ZFC3H1: variants seen among roughly 807,000 people sequenced by gnomAD.
ZFC3H1 encodes zinc finger C3H1 domain-containing protein.
ZFC3H1 carries 71 observed loss-of-function variants against 243.7 expected under a neutral mutation model. That is an observed-to-expected ratio of 0.29 (90% CI 0.24 to 0.36). The LOEUF (loss-of-function observed/expected upper bound fraction) is 0.36, where lower values mean the gene tolerates loss of function less well. ZFC3H1 is among the 10% of genes least tolerant of loss of function. ZFC3H1 has a pLI of 1.00. For missense variants in ZFC3H1, 1,966 were observed against 2,317.1 expected (o/e 0.85, Z 3.11); for synonymous variants, 838 against 813.0 (o/e 1.03, Z -0.52).
At chr12:71,644,057 AGAGTAACGTTTT>A in intron 5 of ZFC3H1, 26 bp downstream of exon 5, 1 of 1,537,260 alleles carries the variant, frequency 6.5e-7, no homozygotes, top group Non-Finnish European at 8.9e-7. Context: ...AAGGAAACTT[AGAGTAACGTTTT>A]GATTTTATAT....
Position 71,619,977 on chromosome 12 carries a change from A to AT in ZFC3H1, c.4997dup (p.Asn1666LysfsTer23). On this transcript the variant is annotated frameshift_variant, in exon 26 of 35. Transcript: ENST00000378743. LOFTEE classifies it high-confidence loss of function. ...GATAAAAAACCTCTGCATTCTGAGG[A>AT]TTTTTTTCAAATGCAGTAAGCCACA... is the stretch of plus-strand genomic sequence containing the variant. 2 of 1,604,212 alleles carry AT rather than the reference A, an allele frequency of 1.2e-6. No individual in the cohort carries two copies. The highest frequency in any genetic ancestry group is 1.7e-6 in the Non-Finnish European group (2 of 1,173,622).
intron 2 of ZFC3H1, among the ~76,000 whole-genome samples, chr12:71,655,502 C>A (rs1238920524): frequency 6.6e-6 from 1 of 151,950 alleles, no homozygotes; most frequent in Non-Finnish European, 1.5e-5. Context: ...AAAAAAGGTA[C>A]AACTTATAAA....
chr12:71,656,904 G>C lies in ZFC3H1; in HGVS notation c.996C>G (p.Asp332Glu). Residue 332 changes from aspartate to glutamate, a missense_variant, in exon 2 of 35, where the codon GAC becomes GAG. Coordinates refer to ENST00000378743, the MANE Select transcript of ZFC3H1 (RefSeq NM_144982.5). ...CATTACCTTGACTAGAATCAGTAGT[G>C]TCGGATTTCAGGGAAAGTGGTTTTG... The part of the protein sequence containing the change: ...DGAKPLSLKS[D>E]TTDSSQGLQD... 1.2e-6 allele frequency: 2 copies of C among 1,612,464 alleles called. No individual in the cohort carries two copies. The highest frequency in any genetic ancestry group is 1.7e-6 in the Non-Finnish European group (2 of 1,179,374).
At chr12:71,639,482 C>T (rs1019720378) in intron 6 of ZFC3H1, 4 of 203,198 alleles carry the variant, frequency 2.0e-5, no homozygotes, top group Non-Finnish European at 4.0e-5. Flanking sequence ...TAGTCAGACA[C>T]TTGATGGTGC....
chr12:71,621,201 A>G (rs1380357550), intron 24 of ZFC3H1, among the ~76,000 whole-genome samples: 1 of 151,932 alleles, frequency 6.6e-6, no homozygotes, highest in Non-Finnish European at 1.5e-5. Context: ...CTTCAAAAGC[A>G]CATTATAAAA....
chr12:71,633,941 A>G (rs906605765), intron 12 of ZFC3H1, among the ~76,000 whole-genome samples: 1 of 152,234 alleles, frequency 6.6e-6, no homozygotes, highest in Non-Finnish European at 1.5e-5. Flanking sequence ...TATAGGCGTG[A>G]GCCACCGCGC....
At chr12:71,627,041 T>C (rs1314046410) in intron 21 of ZFC3H1, among the ~76,000 whole-genome samples, 2 of 151,954 alleles carry the variant, frequency 1.3e-5, no homozygotes, top group Non-Finnish European at 1.5e-5. Flanking sequence ...AAGCAACACA[T>C]CCAGGCATGT....
At position 71,642,422 on chromosome 12, in the gene ZFC3H1, G is replaced by C. The variant is rs185963164; in HGVS notation, c.1627+14C>G. 4.4e-3 allele frequency: 7,035 copies of C among 1,607,690 alleles called. 23 individuals are homozygous for C. The highest frequency in any genetic ancestry group is 5.3e-3 in the Non-Finnish European group (6,209 of 1,177,054). ...ACATGTAAATACACAAAGGTTTCAA[G>C]TTTTGGCTCATACCTGGAGAACTGG... is the stretch of plus-strand genomic sequence containing the variant. On this transcript the variant is annotated intron_variant, in intron 6 of 34. Transcript: ENST00000378743.
chr12:71,611,035 T>A (rs1371776758), intron 33 of ZFC3H1, 23 bp downstream of exon 33: 14 of 1,594,020 alleles, frequency 8.8e-6, no homozygotes, highest in Middle Eastern at 1.7e-4. Flanking sequence ...AAGTGACCCA[T>A]CTGAGATTCA....
rs1565817465 is a variant in ZFC3H1, at chr12:71,636,900, G to A, written c.1885C>T (p.Arg629Ter). The change falls in exon 8 of 35, where the codon CGA becomes TGA. Residue 629 changes from arginine to a stop codon, truncating the protein, a stop_gained. Transcript: ENST00000378743. LOFTEE classifies it high-confidence loss of function. ...DEEEEEEMLL[R>*]EELLKSLANK... ...GCTAGAGATTTAAGTAGTTCTTCTC[G>A]AAGCAGCATTTCTTCCTCCTCTTCC... 6.2e-7 allele frequency: 1 copy of A among 1,613,922 alleles called. No homozygotes were observed. The highest frequency in any genetic ancestry group is 8.5e-7 in the Non-Finnish European group (1 of 1,179,946).
intron 22 of ZFC3H1, 128 bp downstream of exon 22, chr12:71,626,132 G>T: frequency 1.1e-6 from 1 of 933,248 alleles, no homozygotes; most frequent in Non-Finnish European, 1.5e-6. Flanking sequence ...TGAAAGTAAG[G>T]TTATTATGTC....
intron 7 of ZFC3H1, 123 bp downstream of exon 7, chr12:71,638,295 C>T: frequency 3.3e-6 from 3 of 897,396 alleles, no homozygotes; most frequent in Non-Finnish European, 5.1e-6. Context: ...TATTTCATTG[C>T]TATTAATTCT....
intron 4 of ZFC3H1, 68 bp from the exon 5 acceptor site, chr12:71,644,386 A>T (rs1477199153): frequency 1.5e-5 from 22 of 1,489,324 alleles, no homozygotes; most frequent in Non-Finnish European, 1.9e-5. Context: ...AGTCTTAAAA[A>T]ATATTTTCAT....
At chr12:71,631,066 G>A in intron 16 of ZFC3H1, 112 bp from the exon 17 acceptor site, 1 of 1,115,886 alleles carries the variant, frequency 9.0e-7, no homozygotes, top group Non-Finnish European at 1.2e-6. Flanking sequence ...TACTATTTAT[G>A]AGCTATTTAT....
At chr12:71,661,963 AG>A (rs1400002531) in intron 1 of ZFC3H1, among the ~76,000 whole-genome samples, 1 of 152,208 alleles carries the variant, frequency 6.6e-6, no homozygotes, top group Admixed American at 6.5e-5. Flanking sequence ...GTTCTATAAA[AG>A]TAATTCTGAT....
intron 24 of ZFC3H1, among the ~76,000 whole-genome samples, chr12:71,622,462 T>C (rs573769073): frequency 1.3e-5 from 2 of 151,470 alleles, no homozygotes; most frequent in Admixed American, 6.6e-5. Context: ...CCTAGTCTCT[T>C]TTTTTTTTCT....
rs1880671896 is a variant in ZFC3H1 at position 71,644,248 on chromosome 12, T to C, written c.1350A>G (p.Arg450=). The part of the protein sequence containing the change: ...KKLQQQKEQE[R]QKEEDQRKQA... ...GTTTCCGCTGATCCTCTTCTTTCTG[T>C]CTTTCCTGCTCTTTTTGTTGTTGTA... Residue 450 remains arginine (R), a synonymous_variant, in exon 5 of 35, where the codon AGA becomes AGG. Transcript: ENST00000378743. 6.2e-7 allele frequency: 1 copy of C among 1,612,766 alleles called. No individual in the cohort carries two copies. The highest frequency in any genetic ancestry group is 8.5e-7 in the Non-Finnish European group (1 of 1,179,300).
intron 7 of ZFC3H1, among the ~76,000 whole-genome samples, chr12:71,637,807 G>A (rs1238528433): frequency 6.6e-6 from 1 of 152,118 alleles, no homozygotes; most frequent in Non-Finnish European, 1.5e-5. Flanking sequence ...CACCTACTGA[G>A]AGATACTCAA....
intron 3 of ZFC3H1, among the ~76,000 whole-genome samples, chr12:71,646,704 A>T (rs1415442971): frequency 6.6e-6 from 1 of 152,194 alleles, no homozygotes; most frequent in Non-Finnish European, 1.5e-5. Context: ...AAACTACCTC[A>T]GCCTTCCAGA....
Sources: allele counts gnomAD v4.1 joint callset (sites outside exome capture counted in the v4.1 genomes callset), GRCh38; gene constraint gnomAD v4.1.1; transcripts MANE v1.5; gene names NCBI Gene and HGNC (gene_info 2026-07-23, HGNC 2026-07-21).